CHKA: variants seen among roughly 807,000 people sequenced by gnomAD.
CHKA encodes the protein CHETK-alpha.
CHKA carries 34 observed loss-of-function variants against 60.1 expected under a neutral mutation model. The ratio of observed to expected loss-of-function variants is 0.57; its 90% confidence interval spans 0.43 to 0.75. The LOEUF (loss-of-function observed/expected upper bound fraction) is 0.75, where lower values mean the gene tolerates loss of function less well. CHKA is among the 30% of genes least tolerant of loss of function. The probability of loss-of-function intolerance (pLI) is 0.00; values close to 1 mark genes in which losing one functional copy is unlikely to be tolerated. For missense variants in CHKA, 563 were observed against 561.3 expected, an observed-to-expected ratio of 1.00 and a Z score of -0.03; for synonymous variants, 217 against 223.1, an observed-to-expected ratio of 0.97 and a Z score of 0.24.
intron 1 of CHKA, among the ~76,000 whole-genome samples, chr11:68,099,542 G>A (rs1398334511): frequency 6.6e-6 from 1 of 152,156 alleles, no homozygotes; most frequent in Non-Finnish European, 1.5e-5. Flanking sequence ...AAATAAAAGG[G>A]AACCCAAAGT....
chr11:68,106,198 G>A (rs1382594063), intron 1 of CHKA, among the ~76,000 whole-genome samples: 2 of 152,140 alleles, frequency 1.3e-5, no homozygotes, highest in Admixed American at 6.5e-5. Flanking sequence ...GAGTAATCAG[G>A]ACGGTATTAA....
chr11:68,094,647 T>C (rs1445746383), intron 2 of CHKA, among the ~76,000 whole-genome samples: 3 of 152,230 alleles, frequency 2.0e-5, no homozygotes, highest in Non-Finnish European at 4.4e-5. Context: ...AGCTGCATGG[T>C]GAACACAAGA....
intron 2 of CHKA, among the ~76,000 whole-genome samples, chr11:68,083,001 C>A (rs1447434615): frequency 2.0e-5 from 3 of 152,222 alleles, no homozygotes. Flanking sequence ...AGCTTCCCTT[C>A]ACCCTAATTC....
Position 68,065,814 on chromosome 11 carries a change from A to G in CHKA, c.1097T>C (p.Ile366Thr). ...YEKYPFFRAN[I>T]RKYPTKKQQL... ...TTGTTTCTTGGTGGGATACTTCCGG[A>G]TGTTTGCTCTGAAAAAAGGGTATTT... is the stretch of plus-strand genomic sequence containing the variant. Residue 366 changes from isoleucine (I) to threonine (T), a missense_variant, in exon 9 of 12, where the codon ATC becomes ACC. By Grantham distance (89) the Ile-to-Thr change is moderately conservative. Coordinates refer to ENST00000265689, the MANE Select transcript of CHKA (RefSeq NM_001277.3). 1.2e-6 allele frequency: 2 copies of G among 1,605,950 alleles called. No homozygotes were observed. The highest frequency in any genetic ancestry group is 1.1e-5 in the South Asian group (1 of 90,896).
rs1330539942 is a variant in CHKA, at chr11:68,109,171, G to GCTCCACCT, written c.350+11649_350+11656dup. 2.8e-5 allele frequency among the ~76,000 whole-genome samples: 4 copies of GCTCCACCT among 143,542 alleles called. No homozygotes were observed. The South Asian group carries it at 6.8e-4, about 24-fold the overall frequency. The allele number at this position is 143,542 out of a possible 152,430, so 94.2% of individuals were successfully genotyped here. On this transcript the variant is annotated intron_variant, in intron 1 of 11. Transcript: ENST00000265689. ...GTGGCGCGATCTCGGCTCACAGCAA[G>GCTCCACCT]CTCCACCTCCCGGGTTCACACCATT...
chr11:68,107,007 A>G (rs1386843011), intron 1 of CHKA, among the ~76,000 whole-genome samples: 2 of 152,186 alleles, frequency 1.3e-5, no homozygotes, highest in Non-Finnish European at 2.9e-5. Context: ...TAATCCCAGC[A>G]CTTTGGGAGG....
chr11:68,076,569 A>C (rs1174819939), intron 3 of CHKA, among the ~76,000 whole-genome samples: 2 of 152,128 alleles, frequency 1.3e-5, no homozygotes, highest in Non-Finnish European at 2.9e-5. Context: ...TGTGGTCCCC[A>C]CCACCACCCT....
intron 10 of CHKA, among the ~76,000 whole-genome samples, chr11:68,062,360 TG>T (rs1446228798): frequency 6.6e-6 from 1 of 152,228 alleles, no homozygotes; most frequent in Admixed American, 6.5e-5. Flanking sequence ...GGTGAAGGCC[TG>T]GGTGGCCATG....
intron 1 of CHKA, among the ~76,000 whole-genome samples, chr11:68,113,499 C>A (rs528964225): frequency 6.6e-6 from 1 of 151,648 alleles, no homozygotes; most frequent in Non-Finnish European, 1.5e-5. Context: ...AGTTCCAGAC[C>A]AGCCTGTCCA....
intron 3 of CHKA, among the ~76,000 whole-genome samples, chr11:68,076,960 G>C (rs578135736): frequency 6.6e-6 from 1 of 152,210 alleles, no homozygotes; most frequent in Admixed American, 6.6e-5. Context: ...AAATGAGGCC[G>C]GGTGCGGTGG....
intron 1 of CHKA, among the ~76,000 whole-genome samples, chr11:68,100,538 C>T (rs1056376633): frequency 1.1e-4 from 16 of 151,456 alleles, no homozygotes; most frequent in Admixed American, 2.0e-4. Flanking sequence ...TGCAGTGAGC[C>T]GAGATTGTGC....
At chr11:68,092,394 G>A (rs1857379587) in intron 2 of CHKA, among the ~76,000 whole-genome samples, 1 of 152,118 alleles carries the variant, frequency 6.6e-6, no homozygotes, top group South Asian at 2.1e-4. Context: ...TCATTCTAAA[G>A]AGCTGGCTAT....
chr11:68,074,833 A>G lies in CHKA; in HGVS notation c.517-3T>C, dbSNP rs1856734313. 4 of 1,613,940 alleles carry G rather than the reference A, an allele frequency of 2.5e-6. No individual in the cohort carries two copies. Among genetic ancestry groups the G allele is most frequent in the South Asian group, 1.1e-5 (1 of 91,070 alleles). ...TCCAGAACCATGGCCTCAGCCCCCT[A>G]AAACAGATGGCAACAAATCAGGTGT... On this transcript the variant is annotated splice_region_variant and splice_polypyrimidine_tract_variant and intron_variant, in intron 3 of 11. Transcript: ENST00000265689.
intron 9 of CHKA, among the ~76,000 whole-genome samples, chr11:68,064,944 T>C (rs559938803): frequency 6.6e-6 from 1 of 152,286 alleles, no homozygotes; most frequent in Admixed American, 6.5e-5. Context: ...ACCCTCCCAA[T>C]CCTACTCAGC....
intron 7 of CHKA, 61 bp downstream of exon 7, chr11:68,068,818 G>T: frequency 8.8e-7 from 1 of 1,136,350 alleles, no homozygotes; most frequent in Non-Finnish European, 1.3e-6. Flanking sequence ...CAGACACACT[G>T]CCAGTAATTT....
At chr11:68,064,448 T>C (rs1171511352) in intron 10 of CHKA, 77 bp downstream of exon 10, 5 of 679,142 alleles carry the variant, frequency 7.4e-6, no homozygotes, top group Non-Finnish European at 1.2e-5. Context: ...ATACTCCTAA[T>C]TGCAAGTCAG....
chr11:68,108,163 C>A (rs1384342706), intron 1 of CHKA, among the ~76,000 whole-genome samples: 1 of 152,090 alleles, frequency 6.6e-6, no homozygotes, highest in South Asian at 2.1e-4. Flanking sequence ...TATCTAAATT[C>A]TACTCCTAGC....
intron 1 of CHKA, among the ~76,000 whole-genome samples, chr11:68,099,874 A>T (rs1327748831): frequency 2.6e-5 from 4 of 152,250 alleles, no homozygotes. Context: ...ACTGCTAAAG[A>T]AGGAAGGCAG....
intron 2 of CHKA, among the ~76,000 whole-genome samples, chr11:68,093,997 C>A (rs1409316307): frequency 6.6e-6 from 1 of 152,168 alleles, no homozygotes. Flanking sequence ...TAGCACTGTT[C>A]TAGAGCACAG....
Sources: gnomAD v4.1 joint callset for allele counts (sites outside exome capture counted in the v4.1 genomes callset) on GRCh38, gnomAD v4.1.1 for gene constraint, MANE v1.5 for transcripts, NCBI Gene and HGNC (gene_info 2026-07-23, HGNC 2026-07-21) for gene names.